CYLD: variants seen among roughly 807,000 people sequenced by gnomAD.
The protein encoded by CYLD is CYLD lysine 63 deubiquitinase.
In CYLD, 26 loss-of-function variants were observed where a neutral mutation model predicts 104.5. The ratio of observed to expected loss-of-function variants is 0.25; its 90% confidence interval spans 0.18 to 0.35. The LOEUF (loss-of-function observed/expected upper bound fraction) is 0.35, where lower values mean the gene tolerates loss of function less well. CYLD is among the 10% of genes least tolerant of loss of function. The pLI is 1.00. For synonymous variants in CYLD, 385 were observed against 399.9 expected, an observed-to-expected ratio of 0.96 and a Z score of 0.45; for missense variants, 703 against 1,136.1, an observed-to-expected ratio of 0.62 and a Z score of 5.48.
chr16:50,747,024 A>G (rs983932849), intron 2 of CYLD, among the ~76,000 whole-genome samples: 1 of 152,198 alleles, frequency 6.6e-6, no homozygotes, highest in South Asian at 2.1e-4. Context: ...TCAAAATAGA[A>G]TTACTTTACC....
chr16:50,751,967 T>C, intron 4 of CYLD, 61 bp downstream of exon 4: 38 of 501,554 alleles, frequency 7.6e-5, no homozygotes, highest in Non-Finnish European at 9.6e-5. Flanking sequence ...TATATATGTA[T>C]ATATATATAT....
chr16:50,772,069 T>C (rs1969213785), intron 5 of CYLD, among the ~76,000 whole-genome samples: 1 of 152,222 alleles, frequency 6.6e-6, no homozygotes. Flanking sequence ...TTTAGAGTAA[T>C]CTTGTGTACA....
At chr16:50,782,528 G>A in intron 11 of CYLD, 62 bp downstream of exon 11, 6 of 1,463,700 alleles carry the variant, frequency 4.1e-6, no homozygotes, top group Non-Finnish European at 4.8e-6. Context: ...ACATACCGGT[G>A]TGTGTGTGTG....
At chr16:50,767,179 G>A (rs1567436537) in intron 5 of CYLD, among the ~76,000 whole-genome samples, 1 of 152,332 alleles carries the variant, frequency 6.6e-6, no homozygotes, top group East Asian at 1.9e-4. Flanking sequence ...ACTGAGGCAA[G>A]AGCCTCCACC....
chr16:50,767,783 G>T (rs909419123), intron 5 of CYLD, among the ~76,000 whole-genome samples: 6 of 152,080 alleles, frequency 3.9e-5, no homozygotes, highest in Non-Finnish European at 8.8e-5. Flanking sequence ...CTCTAGAGCT[G>T]TATTTCCTTC....
At chr16:50,755,117 ACATG>A (rs538861773) in intron 5 of CYLD, among the ~76,000 whole-genome samples, 1 of 140,224 alleles carries the variant, frequency 7.1e-6, no homozygotes, top group South Asian at 2.2e-4. Context: ...ACACATATAC[ACATG>A]TGTATATATA....
intron 5 of CYLD, among the ~76,000 whole-genome samples, chr16:50,755,211 A>G (rs928055429): frequency 2.8e-5 from 4 of 145,346 alleles, no homozygotes; most frequent in Non-Finnish European, 6.0e-5. Flanking sequence ...GTGTGTGTAT[A>G]TACACACGTG....
rs1425242690 is a variant in CYLD, at chr16:50,750,222, T to G, written c.504+20T>G. On this transcript the variant is annotated intron_variant, in intron 3 of 18. Coordinates refer to ENST00000427738, the MANE Select transcript of CYLD (RefSeq NM_001378743.1). ...TTGCTGGTAAGTTTGATAAACCATT[T>G]TAGTAGTGTGTTTGTTTGTGTTCAT... The G allele has an allele frequency of 6.2e-7, 1 of 1,613,128 alleles. No individual in the cohort carries two copies. The highest frequency in any genetic ancestry group is 1.3e-5 in the African/African-American group (1 of 75,018).
At chr16:50,751,979 A>AACATATATATACAC (rs11271535) in intron 4 of CYLD, 73 bp downstream of exon 4, 9 of 341,336 alleles carry the variant, frequency 2.6e-5, no homozygotes, top group Non-Finnish European at 3.7e-5. Context: ...TATATATATA[A>AACATATATATACAC]ACATATATAT....
chr16:50,748,210 G>C (rs1966353033), intron 2 of CYLD, among the ~76,000 whole-genome samples: 1 of 152,164 alleles, frequency 6.6e-6, no homozygotes, highest in South Asian at 2.1e-4. Flanking sequence ...TTGGAAACCA[G>C]ATAGCCACAT....
intron 14 of CYLD, among the ~76,000 whole-genome samples, chr16:50,788,368 C>T (rs1318034528): frequency 6.6e-6 from 1 of 152,160 alleles, no homozygotes; most frequent in Non-Finnish European, 1.5e-5. Context: ...ACTGAACGTT[C>T]CAGGTAGTTT....
chr16:50,779,326 A>C (rs925970811), intron 8 of CYLD, among the ~76,000 whole-genome samples: 1 of 151,996 alleles, frequency 6.6e-6, no homozygotes, highest in African/African-American at 2.4e-5. Context: ...GATCCATTAG[A>C]TATATAGAAG....
rs201523761 is a variant in CYLD at position 50,781,277 on chromosome 16, C to T, written c.1550C>T (p.Thr517Ile). Reference sequence around the variant, plus strand: ...GAGTGTGCAGGCTGTACGGATGGAACCTTCAGAGGCACTCGGTATTTCACC... The same window carrying T: ...GAGTGTGCAGGCTGTACGGATGGAATCTTCAGAGGCACTCGGTATTTCACC... Reference protein sequence around the residue: ...EDECAGCTDGTFRGTRYFTCA... With the variant: ...EDECAGCTDGIFRGTRYFTCA... The change falls in exon 10 of 19, where the codon ACC becomes ATC. Residue 517 changes from threonine (T) to isoleucine (I), a missense_variant. Around this residue, in one of 5 missense-constraint regions of CYLD, gnomAD observed 125 missense variants for 325.4 expected, o/e 0.38. Coordinates refer to ENST00000427738, the MANE Select transcript of CYLD (RefSeq NM_001378743.1). The T allele has an allele frequency of 6.2e-7, 1 of 1,613,962 alleles. No homozygotes were observed. Among genetic ancestry groups the T allele is most frequent in the Admixed American group, 1.7e-5 (1 of 60,020 alleles).
At chr16:50,773,569 T>C (rs905173599) in intron 5 of CYLD, among the ~76,000 whole-genome samples, 1 of 152,228 alleles carries the variant, frequency 6.6e-6, no homozygotes, top group Non-Finnish European at 1.5e-5. Flanking sequence ...TTACTCATGC[T>C]GTTTGGTGGA....
intron 4 of CYLD, among the ~76,000 whole-genome samples, chr16:50,752,269 A>C (rs1966695536): frequency 6.6e-6 from 1 of 151,910 alleles, no homozygotes; most frequent in African/African-American, 2.4e-5. Flanking sequence ...TAGACAAAAC[A>C]AAACAAGACA....
At chr16:50,759,630 C>T (rs1967676555) in intron 5 of CYLD, among the ~76,000 whole-genome samples, 1 of 152,204 alleles carries the variant, frequency 6.6e-6, no homozygotes, top group Non-Finnish European at 1.5e-5. Flanking sequence ...TGTTCACTCT[C>T]ACTGCTTCAT....
intron 5 of CYLD, among the ~76,000 whole-genome samples, chr16:50,773,592 A>G (rs1723796498): frequency 6.6e-6 from 1 of 152,198 alleles, no homozygotes; most frequent in African/African-American, 2.4e-5. Context: ...TATCTTCTAT[A>G]TCTTTTAATA....
Position 50,753,519 on chromosome 16 carries a change from C to T in CYLD, c.808-800C>T, listed in dbSNP as rs1164017587. ...AGCTTCTCTCCTTGCCTCCATCTGT[C>T]CCATAGCTGACTTGTGCAGATATTC... On this transcript the variant is annotated intron_variant, in intron 4 of 18. Coordinates refer to ENST00000427738, the MANE Select transcript of CYLD (RefSeq NM_001378743.1). Among the ~76,000 whole-genome samples the T allele has an allele frequency of 2.0e-5, 3 of 152,242 alleles. No individual in the cohort carries two copies. In the East Asian group the frequency reaches 5.8e-4, roughly 29 times the overall value.
At chr16:50,793,920 A>ATTTTTTT (rs34233862) in intron 17 of CYLD, among the ~76,000 whole-genome samples, 1 of 131,084 alleles carries the variant, frequency 7.6e-6, no homozygotes, top group Non-Finnish European at 1.6e-5. Context: ...CATTAATGAC[A>ATTTTTTT]TTTTTTTTTT....
Sources: allele counts gnomAD v4.1 joint callset (sites outside exome capture counted in the v4.1 genomes callset), GRCh38; gene constraint gnomAD v4.1.1; regional missense constraint gnomAD v4.1.1; transcripts MANE v1.5; gene names NCBI Gene and HGNC (gene_info 2026-07-23, HGNC 2026-07-21).